The following TRAPPC9 variants were observed in gnomAD, a reference collection of about 807,000 sequenced individuals.
TRAPPC9 encodes the protein IKK2 binding protein.
Under a neutral mutation model 124.0 loss-of-function variants are expected in TRAPPC9, and 83 were observed. The observed-to-expected ratio is 0.67, with a 90% CI of 0.56 to 0.80. The LOEUF (loss-of-function observed/expected upper bound fraction) is 0.80. TRAPPC9 is among the 30% of genes least tolerant of loss of function. The pLI is 0.00. For missense variants in TRAPPC9, 1,302 were observed against 1,508.3 expected (o/e 0.86, Z 2.27); for synonymous variants, 638 against 617.5 (o/e 1.03, Z -0.49).
At chr8:139,974,947 C>T (rs953544008) in intron 19 of TRAPPC9, among the ~76,000 whole-genome samples, 1 of 152,208 alleles carries the variant, frequency 6.6e-6, no homozygotes, top group Middle Eastern at 3.4e-3. Context: ...GCTCTGCCTC[C>T]CATCAGCAGA....
At chr8:140,171,550 C>T (rs1241347687) in intron 17 of TRAPPC9, among the ~76,000 whole-genome samples, 1 of 152,162 alleles carries the variant, frequency 6.6e-6, no homozygotes, top group East Asian at 1.9e-4. Flanking sequence ...TCTTACAAGA[C>T]TTATTTACAG....
intron 4 of TRAPPC9, among the ~76,000 whole-genome samples, chr8:140,428,067 C>A (rs971709179): frequency 1.3e-5 from 2 of 152,172 alleles, no homozygotes; most frequent in African/African-American, 4.8e-5. Context: ...AGCAGACGTT[C>A]AGCTGCACAG....
At chr8:140,393,359 C>T (rs2068987753) in intron 7 of TRAPPC9, among the ~76,000 whole-genome samples, 1 of 152,190 alleles carries the variant, frequency 6.6e-6, no homozygotes, top group South Asian at 2.1e-4. Flanking sequence ...GCTTCTTCCA[C>T]CTCACCTCTA....
intron 14 of TRAPPC9, among the ~76,000 whole-genome samples, chr8:140,276,498 A>G (rs1294112568): frequency 6.6e-6 from 1 of 152,106 alleles, no homozygotes; most frequent in Non-Finnish European, 1.5e-5. Flanking sequence ...TGCAACACAG[A>G]AGCCAGGGCC....
At chr8:140,278,144 C>T (rs1379307254) in intron 14 of TRAPPC9, among the ~76,000 whole-genome samples, 2 of 151,768 alleles carry the variant, frequency 1.3e-5, no homozygotes, top group African/African-American at 4.8e-5. Context: ...CGCTCTGTCG[C>T]TCAGGCTGGA....
intron 21 of TRAPPC9, among the ~76,000 whole-genome samples, chr8:139,841,462 C>A (rs958723733): frequency 1.3e-5 from 2 of 152,208 alleles, no homozygotes; most frequent in African/African-American, 4.8e-5. Flanking sequence ...CCTGTCTCCC[C>A]CAGCGTGCCT....
intron 17 of TRAPPC9, among the ~76,000 whole-genome samples, chr8:140,213,896 A>G (rs770211530): frequency 2.6e-5 from 4 of 152,272 alleles, no homozygotes; most frequent in Non-Finnish European, 5.9e-5. Context: ...TCAGAGCCAG[A>G]GAGCACACCA....
chr8:140,015,116 T>C (rs955609060), intron 18 of TRAPPC9, among the ~76,000 whole-genome samples: 2 of 152,232 alleles, frequency 1.3e-5, no homozygotes, highest in Non-Finnish European at 2.9e-5. Context: ...TCCTTTGACA[T>C]ATATTTGGCT....
At chr8:140,179,478 C>A (rs1014839821) in intron 17 of TRAPPC9, among the ~76,000 whole-genome samples, 2 of 152,046 alleles carry the variant, frequency 1.3e-5, no homozygotes, top group African/African-American at 4.8e-5. Flanking sequence ...TTTATTGAGA[C>A]TTGATTTATC....
chr8:140,360,292 C>T (rs2067910635), intron 8 of TRAPPC9, 99 bp from the exon 9 acceptor site: 1 of 1,454,484 alleles, frequency 6.9e-7, no homozygotes, highest in Non-Finnish European at 9.5e-7. Context: ...AAGACAGATG[C>T]CTCAACCACC....
Position 140,361,991 on chromosome 8 carries a change from C to G in TRAPPC9, c.1352-1798G>C, listed in dbSNP as rs542831705. On this transcript the variant is annotated intron_variant, in intron 8 of 22. Transcript: ENST00000438773. ...CTCCAAGGGTTCCACCGCTCACAGC[C>G]CTTCCTGAGCTCTTCCCTCAGCACT... is the stretch of plus-strand genomic sequence containing the variant. Among the ~76,000 whole-genome samples the G allele has an allele frequency of 3.9e-5, 6 of 152,294 alleles. No individual in the cohort carries two copies. In the South Asian group the frequency reaches 6.2e-4, roughly 16 times the overall value.
At chr8:140,196,778 C>A (rs1406705167) in intron 17 of TRAPPC9, among the ~76,000 whole-genome samples, 1 of 150,614 alleles carries the variant, frequency 6.6e-6, no homozygotes, top group Non-Finnish European at 1.5e-5. Flanking sequence ...CGCTATACAG[C>A]TCACACCTGT....
At chr8:139,904,030 T>A (rs904678548) in intron 20 of TRAPPC9, among the ~76,000 whole-genome samples, 1 of 152,020 alleles carries the variant, frequency 6.6e-6, no homozygotes, top group African/African-American at 2.4e-5. Context: ...ACAGTTTTCA[T>A]ACCTATGTGC....
chr8:140,064,840 A>G (rs1842824790), intron 17 of TRAPPC9, among the ~76,000 whole-genome samples: 1 of 152,194 alleles, frequency 6.6e-6, no homozygotes, highest in African/African-American at 2.4e-5. Flanking sequence ...CTGCTAGTAT[A>G]CAAAAGACTC....
chr8:140,217,886 G>A (rs2063234068), intron 17 of TRAPPC9, among the ~76,000 whole-genome samples: 1 of 152,058 alleles, frequency 6.6e-6, no homozygotes, highest in African/African-American at 2.4e-5. Context: ...GCATGGTGGT[G>A]CACGCCTGTA....
chr8:139,892,431 T>C (rs567260640), intron 20 of TRAPPC9, among the ~76,000 whole-genome samples: 3 of 152,204 alleles, frequency 2.0e-5, no homozygotes, highest in South Asian at 4.1e-4. Context: ...CTGTCTGCCC[T>C]CAAGAATCTC....
intron 17 of TRAPPC9, among the ~76,000 whole-genome samples, chr8:140,165,006 A>G (rs959422463): frequency 6.6e-5 from 10 of 152,218 alleles, no homozygotes; most frequent in African/African-American, 2.4e-4. Context: ...CTTATGTGTA[A>G]GTACTTACTA....
chr8:140,331,177 G>A (rs1204346268), intron 9 of TRAPPC9, among the ~76,000 whole-genome samples: 1 of 150,970 alleles, frequency 6.6e-6, no homozygotes, highest in Non-Finnish European at 1.5e-5. Flanking sequence ...TGTTTTCACA[G>A]TCAAATAATT....
intron 11 of TRAPPC9, among the ~76,000 whole-genome samples, chr8:140,297,742 G>C (rs904193615): frequency 6.6e-6 from 1 of 152,220 alleles, no homozygotes; most frequent in Non-Finnish European, 1.5e-5. Context: ...CGAGTTCAAC[G>C]TGTAAGTAAC....
Sources: allele counts gnomAD v4.1 joint callset (sites outside exome capture counted in the v4.1 genomes callset), GRCh38; gene constraint gnomAD v4.1.1; transcripts MANE v1.5; gene names NCBI Gene and HGNC (gene_info 2026-07-23, HGNC 2026-07-21).